Variants in SLFN12 observed in about 807,000 individuals in gnomAD.
The protein encoded by SLFN12 is ribonuclease SLFN12.
Under a neutral mutation model 29.1 loss-of-function variants are expected in SLFN12, and 25 were observed. That is an observed-to-expected ratio of 0.86 (90% CI 0.63 to 1.20). The LOEUF (loss-of-function observed/expected upper bound fraction) is 1.20. Among genes scored for constraint, SLFN12 ranks in the 50% most tolerant of loss-of-function variants. The pLI is 0.00. For synonymous variants in SLFN12, 257 were observed against 238.7 expected (o/e 1.08, Z -0.71); for missense variants, 660 against 666.2 (o/e 0.99, Z 0.10).
Position 35,421,972 on chromosome 17 carries a change from G to T in SLFN12, c.1039+18C>A. 1 of 1,605,888 alleles carries T rather than the reference G, an allele frequency of 6.2e-7. No individual in the cohort carries two copies. The highest frequency in any genetic ancestry group is 8.5e-7 in the Non-Finnish European group (1 of 1,174,416). On this transcript the variant is annotated intron_variant, in intron 2 of 3. Transcript: ENST00000304905. ...CCCAAGCCAAATGCATTCCTGTTGC[G>T]AATCCCCCGCTCTCAACTTGGTTCA...
In SLFN12 at chr17:35,422,805, A is replaced by G. The variant is rs529946905; in HGVS notation, c.224T>C (p.Ile75Thr). ...NEDYSYTKDG[I>T]GLDLENSFSN... The stretch of plus-strand genomic sequence containing the variant: ...AAAAGAATTTTCCAAATCTAGTCCT[A>G]TTCCATCTTTTGTATAACTATAGTC... The change falls in exon 2 of 4, where the codon ATA becomes ACA. Residue 75 changes from isoleucine to threonine, a missense_variant. Transcript: ENST00000304905. 2 of 1,613,808 alleles carry G rather than the reference A, an allele frequency of 1.2e-6. No individual in the cohort carries two copies. The highest frequency in any genetic ancestry group is 1.7e-6 in the Non-Finnish European group (2 of 1,179,816).
At chr17:35,428,474 G>A (rs1014491389) in intron 1 of SLFN12, among the ~76,000 whole-genome samples, 7 of 152,042 alleles carry the variant, frequency 4.6e-5, no homozygotes, top group African/African-American at 1.7e-4. Context: ...AATTTTTGGG[G>A]GTAAGAGGAT....
Position 35,411,434 on chromosome 17 carries a change from C to G in SLFN12, c.1641G>C (p.Gln547His), listed in dbSNP as rs199936594. ...ALKRLKSLRD[Q>H]FSFAENLYQI... ...GGTATAGATTTTCTGCAAAGGAAAA[C>G]TGGTCTCTCAGAGACTTGAGTCTCT... Residue 547 changes from glutamine (Q) to histidine (H), a missense_variant, in exon 4 of 4, where the codon CAG (glutamine) becomes CAC (histidine). Transcript: ENST00000304905. 10 of 1,612,320 alleles carry G rather than the reference C, an allele frequency of 6.2e-6. No individual in the cohort carries two copies. The highest frequency in any genetic ancestry group is 8.5e-6 in the Non-Finnish European group (10 of 1,179,446).
intron 1 of SLFN12, among the ~76,000 whole-genome samples, chr17:35,428,887 A>G (rs1487764990): frequency 1.3e-5 from 2 of 152,100 alleles, no homozygotes; most frequent in Non-Finnish European, 2.9e-5. Context: ...TATTTCTTGC[A>G]CATGAGGCTG....
At chr17:35,418,061 A>G (rs538401847) in intron 3 of SLFN12, among the ~76,000 whole-genome samples, 4 of 152,280 alleles carry the variant, frequency 2.6e-5, no homozygotes, top group African/African-American at 9.6e-5. Flanking sequence ...ATGCACTGTA[A>G]CTGCAAATCA....
At chr17:35,417,148 GA>G (rs1911363457) in intron 3 of SLFN12, among the ~76,000 whole-genome samples, 1 of 152,022 alleles carries the variant, frequency 6.6e-6, no homozygotes, top group African/African-American at 2.4e-5. Flanking sequence ...TTTAGATACA[GA>G]AATTCTAAAT....
chr17:35,425,479 A>C (rs1911953959), intron 1 of SLFN12, among the ~76,000 whole-genome samples: 1 of 152,064 alleles, frequency 6.6e-6, no homozygotes, highest in South Asian at 2.1e-4. Context: ...CTATGAGTTT[A>C]ACTTTGATAG....
At chr17:35,428,174 A>G (rs765414659) in intron 1 of SLFN12, among the ~76,000 whole-genome samples, 64 of 152,164 alleles carry the variant, frequency 4.2e-4, no homozygotes, top group Non-Finnish European at 7.9e-4. Flanking sequence ...GAAGTTTGTA[A>G]AAGTTAAATT....
intron 3 of SLFN12, among the ~76,000 whole-genome samples, chr17:35,419,906 A>G (rs1342727946): frequency 1.3e-5 from 2 of 152,148 alleles, no homozygotes; most frequent in Non-Finnish European, 2.9e-5. Context: ...AAAAACAGAT[A>G]GATCAATCAG....
intron 1 of SLFN12, among the ~76,000 whole-genome samples, chr17:35,427,956 G>T (rs898101821): frequency 6.6e-6 from 1 of 152,056 alleles, no homozygotes; most frequent in African/African-American, 2.4e-5. Flanking sequence ...GCCAGAACAT[G>T]TAGACAGAAA....
At chr17:35,417,771 C>T (rs1047119253) in intron 3 of SLFN12, among the ~76,000 whole-genome samples, 1 of 151,936 alleles carries the variant, frequency 6.6e-6, no homozygotes, top group African/African-American at 2.4e-5. Context: ...GGAAACCTAA[C>T]AATGTGGCCT....
rs537149546 is a variant in SLFN12 at position 35,421,918 on chromosome 17, C to G, written c.1039+72G>C. 2.7e-5 allele frequency: 41 copies of G among 1,543,332 alleles called. 2 individuals carry two copies. In the South Asian group the frequency reaches 4.2e-4, roughly 16 times the overall value. On this transcript the variant is annotated intron_variant, in intron 2 of 3. Coordinates refer to ENST00000304905, the MANE Select transcript of SLFN12 (RefSeq NM_018042.5). The stretch of plus-strand genomic sequence containing the variant: ...AATTTGAGGACTATTGATCTTGCCC[C>G]AGATCCCATAGAGAAAACCTCCCTG...
intron 2 of SLFN12, 76 bp downstream of exon 2, chr17:35,421,914 G>C: frequency 6.6e-7 from 1 of 1,525,080 alleles, no homozygotes; most frequent in Non-Finnish European, 8.8e-7. Context: ...TATTGATCTT[G>C]CCCCAGATCC....
chr17:35,425,065 A>T (rs1911916312), intron 1 of SLFN12, among the ~76,000 whole-genome samples: 1 of 152,028 alleles, frequency 6.6e-6, no homozygotes, highest in African/African-American at 2.4e-5. Flanking sequence ...AAGTGGGAGG[A>T]TCACTTGAAG....
chr17:35,421,166 G>C (rs1208584338), intron 2 of SLFN12, among the ~76,000 whole-genome samples: 1 of 151,196 alleles, frequency 6.6e-6, no homozygotes, highest in Non-Finnish European at 1.5e-5. Flanking sequence ...CCGAGATCCT[G>C]CCATTGCACT....
chr17:35,428,148 C>G (rs1912114242), intron 1 of SLFN12, among the ~76,000 whole-genome samples: 1 of 152,102 alleles, frequency 6.6e-6, no homozygotes, highest in Non-Finnish European at 1.5e-5. Context: ...TATATATGTA[C>G]ACACAGAGAG....
chr17:35,422,283 C>T lies in SLFN12; in HGVS notation c.746G>A (p.Gly249Asp), dbSNP rs1911712164. 1 of 1,613,848 alleles carries T rather than the reference C, an allele frequency of 6.2e-7. No homozygotes were observed. Among genetic ancestry groups the T allele is most frequent in the Admixed American group, 1.7e-5 (1 of 59,964 alleles). The change falls in exon 2 of 4, where the codon GGC becomes GAC. Residue 249 changes from glycine (G) to aspartate (D), a missense_variant. Coordinates refer to ENST00000304905, the MANE Select transcript of SLFN12 (RefSeq NM_018042.5). ...GAGGTCACTCATCTCTGCTTTAAAGCCAATTATTTCTTTATCTTCATTTAA... is the reference window on the plus strand; with the variant it reads ...GAGGTCACTCATCTCTGCTTTAAAGTCAATTATTTCTTTATCTTCATTTAA... ...IGLNEDKEIIGFKAEMSDLDD... is the reference protein window; with the variant it reads ...IGLNEDKEIIDFKAEMSDLDD...
intron 1 of SLFN12, among the ~76,000 whole-genome samples, chr17:35,426,044 T>C (rs1337999468): frequency 6.6e-6 from 1 of 151,744 alleles, no homozygotes; most frequent in Non-Finnish European, 1.5e-5. Flanking sequence ...TTCCTGATGA[T>C]TAGTAATGTT....
chr17:35,427,699 T>C (rs1912089828), intron 1 of SLFN12, among the ~76,000 whole-genome samples: 1 of 152,176 alleles, frequency 6.6e-6, no homozygotes, highest in African/African-American at 2.4e-5. Context: ...CCTTATTAAC[T>C]GCATAATTTC....
Sources: allele counts gnomAD v4.1 joint callset (sites outside exome capture counted in the v4.1 genomes callset), GRCh38; gene constraint gnomAD v4.1.1; transcripts MANE v1.5; gene names NCBI Gene and HGNC (gene_info 2026-07-23, HGNC 2026-07-21).